SLC25A37: variants seen among roughly 807,000 people sequenced by gnomAD.
SLC25A37 encodes the protein mitoferrin-1.
In SLC25A37, 17 loss-of-function variants were observed where a neutral mutation model predicts 31.0. The ratio of observed to expected loss-of-function variants is 0.55; its 90% CI spans 0.38 to 0.82. The LOEUF is 0.82. Ranked by LOEUF, SLC25A37 falls within the 40% of genes least tolerant of loss-of-function variation. The probability of loss-of-function intolerance (pLI) is 0.00; values close to 1 mark genes in which losing one functional copy is unlikely to be tolerated. For synonymous variants in SLC25A37, 222 were observed against 193.0 expected (o/e 1.15, Z -1.24); for missense variants, 404 against 465.8 (o/e 0.87, Z 1.22).
intron 1 of SLC25A37, among the ~76,000 whole-genome samples, chr8:23,558,109 G>A (rs1036609691): frequency 1.3e-5 from 2 of 152,158 alleles, no homozygotes; most frequent in African/African-American, 2.4e-5. Flanking sequence ...TCACATGATC[G>A]TCTCCTCAGT....
Position 23,573,538 on chromosome 8 carries a change from G to T in SLC25A37, c.*1683G>T, listed in dbSNP as rs373922058. 135 of 261,242 alleles carry T rather than the reference G, an allele frequency of 5.2e-4. No individual in the cohort carries two copies. The highest frequency in any genetic ancestry group is 2.8e-3 in the African/African-American group (126 of 45,362). 16.2% of individuals were successfully genotyped at this position (261,242 alleles called of 1,614,324 possible). A position where few individuals can be genotyped will look rare whatever the true frequency, so the allele number is the denominator to read the frequency against. ...CGGTCAGCGTGGTGCATCTTACCGA[G>T]GAGGCGCAGGCCTGGATTCTTTTGA... On this transcript the variant is annotated 3_prime_UTR_variant, in exon 4 of 4. Transcript: ENST00000519973.
intron 2 of SLC25A37, 196 bp downstream of exon 2, chr8:23,566,532 C>A: frequency 7.5e-7 from 1 of 1,339,298 alleles, no homozygotes; most frequent in Non-Finnish European, 9.5e-7. Context: ...ATGCTTTTTT[C>A]TGTTCCCCTC....
chr8:23,573,299 G>C lies in SLC25A37; in HGVS notation c.*1444G>C, dbSNP rs530197782. 1 of 153,278 alleles carries C rather than the reference G, an allele frequency of 6.5e-6. No individual in the cohort carries two copies. Among genetic ancestry groups the C allele is most frequent in the Non-Finnish European group, 1.5e-5 (1 of 68,706 alleles). 9.5% of individuals were successfully genotyped at this position (153,278 alleles called of 1,614,324 possible). On this transcript the variant is annotated 3_prime_UTR_variant, in exon 4 of 4. Coordinates refer to ENST00000519973, the MANE Select transcript of SLC25A37 (RefSeq NM_016612.4). ...CTCGCTTTCTGAAATGGTGTGTGCC[G>C]AGTCAGATTGCCGCTCAGAGAAAAT... is the stretch of plus-strand genomic sequence containing the variant.
chr8:23,542,928 A>G (rs1172033519), intron 1 of SLC25A37, among the ~76,000 whole-genome samples: 3 of 152,172 alleles, frequency 2.0e-5, no homozygotes, highest in Non-Finnish European at 4.4e-5. Context: ...GAATAAGGAT[A>G]TAGAGAAAAA....
intron 1 of SLC25A37, among the ~76,000 whole-genome samples, chr8:23,537,501 T>C (rs765438827): frequency 6.6e-5 from 10 of 152,186 alleles, no homozygotes; most frequent in Non-Finnish European, 1.5e-4. Context: ...CTGCAGTTCA[T>C]TCTGCACGTC....
At chr8:23,538,399 AAAAAAAAC>A (rs1175947538) in intron 1 of SLC25A37, among the ~76,000 whole-genome samples, 3 of 143,520 alleles carry the variant, frequency 2.1e-5, no homozygotes, top group East Asian at 4.5e-4. Flanking sequence ...AAAAAAAAAA[AAAAAAAAC>A]CAGAAAAAAA....
chr8:23,535,623 G>C (rs1585442220), intron 1 of SLC25A37, among the ~76,000 whole-genome samples: 1 of 152,122 alleles, frequency 6.6e-6, no homozygotes, highest in Admixed American at 6.6e-5. Flanking sequence ...TATGAATACT[G>C]TATTAGTCTG....
chr8:23,529,253 A>G lies in SLC25A37; in HGVS notation c.210+41A>G, dbSNP rs1004237159. 5 of 1,563,224 alleles carry G rather than the reference A, an allele frequency of 3.2e-6. No homozygotes were observed. The highest frequency in any genetic ancestry group is 4.3e-6 in the Non-Finnish European group (5 of 1,154,222). Reference sequence around the variant, plus strand: ...ACTTCGGGGACGCAACGAGCGGAGAAGGAGCGCGCGCGCGCATTTGCATCC... The same window carrying G: ...ACTTCGGGGACGCAACGAGCGGAGAGGGAGCGCGCGCGCGCATTTGCATCC... On this transcript the variant is annotated intron_variant, in intron 1 of 3. Transcript: ENST00000519973. The surrounding 1 kb of genome is among the most constrained non-coding windows in gnomAD (Gnocchi z 4.1).
At chr8:23,546,881 G>A (rs1484422904) in intron 1 of SLC25A37, among the ~76,000 whole-genome samples, 1 of 151,820 alleles carries the variant, frequency 6.6e-6, no homozygotes, top group Middle Eastern at 3.2e-3. Context: ...TTGCTATTAT[G>A]GGGGTTGGGG....
chr8:23,529,332 G>C lies in SLC25A37; in HGVS notation c.210+120G>C. On this transcript the variant is annotated intron_variant, in intron 1 of 3. Transcript: ENST00000519973. This position sits in a 1 kb window ranked among gnomAD's most constrained non-coding sequence, Gnocchi z 4.1. ...CCGAAACCGAGCTCTCCCCAGGACC[G>C]CGGCTGGCCGGGGTCGCCCCAGGAG... 2 of 967,924 alleles carry C rather than the reference G, an allele frequency of 2.1e-6. No individual in the cohort carries two copies. Among genetic ancestry groups the C allele is most frequent in the Non-Finnish European group, 2.8e-6 (2 of 703,688 alleles). The allele number at this position is 967,924 out of a possible 1,614,324, so 60.0% of individuals were successfully genotyped here.
At chr8:23,564,823 A>ATCTG (rs560663383) in intron 1 of SLC25A37, among the ~76,000 whole-genome samples, 1,756 of 151,666 alleles carry the variant, frequency 0.012, 16 homozygotes, top group African/African-American at 0.014. Flanking sequence ...CTCTATCTAT[A>ATCTG]TCTGTCTGTC....
chr8:23,553,720 A>G (rs948989440), intron 1 of SLC25A37, among the ~76,000 whole-genome samples: 10 of 152,138 alleles, frequency 6.6e-5, no homozygotes, highest in African/African-American at 2.4e-4. Flanking sequence ...TCTTTAGGAG[A>G]CAGAATGGGT....
chr8:23,571,319 G>A lies in SLC25A37; in HGVS notation c.497-16G>A, dbSNP rs769954332. 11 of 1,539,480 alleles carry A rather than the reference G, an allele frequency of 7.1e-6. No homozygotes were observed. The East Asian group carries it at 1.4e-4, about 20-fold the overall frequency. On this transcript the variant is annotated splice_polypyrimidine_tract_variant and intron_variant, in intron 3 of 3. Coordinates refer to ENST00000519973, the MANE Select transcript of SLC25A37 (RefSeq NM_016612.4). ...ACTGGCTGTCCGTCTGGCCTGCCCC[G>A]CGGTTCCAACCACAGTGGTGAAGCA...
At chr8:23,533,925 CT>C (rs202088305) in intron 1 of SLC25A37, among the ~76,000 whole-genome samples, 1 of 141,060 alleles carries the variant, frequency 7.1e-6, no homozygotes, top group Non-Finnish European at 1.5e-5. Context: ...ATCTCTTTCT[CT>C]TTTTTTTCTC....
intron 1 of SLC25A37, among the ~76,000 whole-genome samples, chr8:23,546,545 A>G (rs1165639375): frequency 1.1e-4 from 2 of 17,738 alleles, no homozygotes; most frequent in Non-Finnish European, 2.0e-4. Flanking sequence ...ATATATATAT[A>G]TATATATAGT....
intron 1 of SLC25A37, among the ~76,000 whole-genome samples, chr8:23,535,361 T>C (rs1403010794): frequency 1.3e-5 from 2 of 152,198 alleles, no homozygotes; most frequent in African/African-American, 4.8e-5. Flanking sequence ...CAGCCTGGCA[T>C]CTTGCTTCCA....
chr8:23,555,793 C>T (rs1053685753), intron 1 of SLC25A37, among the ~76,000 whole-genome samples: 3 of 152,182 alleles, frequency 2.0e-5, no homozygotes, highest in Non-Finnish European at 4.4e-5. Flanking sequence ...GACAGAGGAG[C>T]CTTTATGGTT....
intron 1 of SLC25A37, among the ~76,000 whole-genome samples, chr8:23,538,988 T>C (rs932990560): frequency 2.0e-5 from 3 of 151,898 alleles, no homozygotes; most frequent in Non-Finnish European, 4.4e-5. Flanking sequence ...ATCCTCACCC[T>C]CCCTCCCACG....
Position 23,529,002 on chromosome 8 carries a change from G to T in SLC25A37, c.-1G>T. 1 of 1,505,864 alleles carries T rather than the reference G, an allele frequency of 6.6e-7. No homozygotes were observed. 93.3% of individuals were successfully genotyped at this position (1,505,864 alleles called of 1,614,324 possible). A position where few individuals can be genotyped will look rare whatever the true frequency, so the allele number is the denominator to read the frequency against. ...CCTCCTGCGCCCCGCCGAGCTGGCG[G>T]ATGGAGCTGCGCAGCGGGAGCGTGG... On this transcript the variant is annotated 5_prime_UTR_variant, in exon 1 of 4. Coordinates refer to ENST00000519973, the MANE Select transcript of SLC25A37 (RefSeq NM_016612.4). This position sits in a 1 kb window ranked among gnomAD's most constrained non-coding sequence, Gnocchi z 4.1.
Sources: allele counts gnomAD v4.1 joint callset (sites outside exome capture counted in the v4.1 genomes callset), GRCh38; gene constraint gnomAD v4.1.1; non-coding constraint Gnocchi (gnomAD v3.1); transcripts MANE v1.5; gene names NCBI Gene and HGNC (gene_info 2026-07-23, HGNC 2026-07-21).